Variants in ZNF254 observed in about 807,000 individuals in gnomAD.
ZNF254 encodes the protein zinc finger protein 254, also known as CTD-2017D11.1.
A neutral mutation model predicts 12.4 loss-of-function variants in ZNF254; 10 were observed. The observed-to-expected ratio is 0.80, with a 90% CI of 0.50 to 1.36. The LOEUF (loss-of-function observed/expected upper bound fraction) is 1.36, where lower values mean the gene tolerates loss of function less well. ZNF254 is among the 40% of genes most tolerant of loss of function. ZNF254 has a pLI of 0.00. For missense variants in ZNF254, 996 were observed against 763.9 expected (o/e 1.30, Z -3.58); for synonymous variants, 305 against 253.4 (o/e 1.20, Z -1.93).
At chr19:24,045,379 A>G (rs2145237596) in intron 1 of ZNF254, among the ~76,000 whole-genome samples, 1 of 152,220 alleles carries the variant, frequency 6.6e-6, no homozygotes, top group South Asian at 2.1e-4. Flanking sequence ...GAGGTATAAA[A>G]GGAAATCTGG....
Position 24,087,314 on chromosome 19 carries a change from G to A in ZNF254, c.7G>A (p.Gly3Arg), listed in dbSNP as rs1432466317. The A allele has an allele frequency of 1.9e-6, 3 of 1,613,726 alleles. No individual in the cohort carries two copies. The highest frequency in any genetic ancestry group is 2.2e-5 in the South Asian group (2 of 91,078). ...TTGGAGATCCACAGCTAAGATGCCA[G>A]GACCCCCTAGAAGCCTAGAAATGGT... is the stretch of plus-strand genomic sequence containing the variant. MP[G>R]PPRSLEMGLL... The change falls in exon 1 of 4, where the codon GGA becomes AGA. Residue 3 changes from glycine (G) to arginine (R), a missense_variant. By Grantham distance (125) the Gly-to-Arg change is moderately radical (BLOSUM62 -2). Coordinates refer to ENST00000357002, the MANE Select transcript of ZNF254 (RefSeq NM_203282.4).
chr19:24,104,314 T>G (rs1973206577), intron 1 of ZNF254: 1 of 152,166 alleles, frequency 6.6e-6, no homozygotes, highest in South Asian at 2.1e-4. Context: ...TGACTTTGAG[T>G]GTGGTGGTAA....
At chr19:24,097,440 A>G (rs913063984) in intron 1 of ZNF254, among the ~76,000 whole-genome samples, 1 of 152,192 alleles carries the variant, frequency 6.6e-6, no homozygotes, top group Middle Eastern at 3.2e-3. Context: ...CTGATTATCC[A>G]TGGTGATCGT....
rs561258356 is a variant in ZNF254 at position 24,071,201 on chromosome 19, A to G, written c.-94+24922A>G. On this transcript the variant is annotated intron_variant, in intron 2 of 4. Coordinates refer to the ZNF254 transcript ENST00000613065. ...GCTTTTCCCTAAGAGACATTGTAAC[A>G]TATCTGGGCCAAGCACCTACGTGAT... 5.9e-5 allele frequency among the ~76,000 whole-genome samples: 9 copies of G among 152,214 alleles called. No homozygotes were observed. The East Asian group carries it at 1.7e-3, about 29-fold the overall frequency.
At chr19:24,101,653 C>A (rs4932944) in intron 1 of ZNF254, among the ~76,000 whole-genome samples, 21,801 of 152,180 alleles carry the variant, frequency 0.14, 2,542 homozygotes, top group African/African-American at 0.32. Flanking sequence ...GACAGGTGAT[C>A]CAGGTTCTGC....
At chr19:24,042,649 G>A (rs1259044002) in intron 1 of ZNF254, among the ~76,000 whole-genome samples, 4 of 152,170 alleles carry the variant, frequency 2.6e-5, no homozygotes, top group African/African-American at 9.7e-5. Flanking sequence ...AGGGTCCGCG[G>A]CTTCATTCTT....
intron 2 of ZNF254, among the ~76,000 whole-genome samples, chr19:24,062,087 C>A (rs374063297): frequency 7.6e-3 from 864 of 114,242 alleles, no homozygotes; most frequent in Middle Eastern, 9.6e-3. Flanking sequence ...CTCTGTCTCA[C>A]AAAAAAAAAA....
intron 1 of ZNF254, among the ~76,000 whole-genome samples, chr19:24,103,026 A>G (rs1269508650): frequency 6.6e-6 from 1 of 152,220 alleles, no homozygotes; most frequent in Non-Finnish European, 1.5e-5. Flanking sequence ...AGTGCTCTGT[A>G]ACATCCTGTT....
chr19:24,034,480 G>T (rs1969882714), intron 1 of ZNF254, among the ~76,000 whole-genome samples: 1 of 144,962 alleles, frequency 6.9e-6, no homozygotes, highest in African/African-American at 2.5e-5. Flanking sequence ...TTAGATTTAG[G>T]TAAGTGGGTT....
intron 3 of ZNF254, among the ~76,000 whole-genome samples, chr19:24,109,919 G>A (rs1393740810): frequency 6.6e-6 from 1 of 150,602 alleles, no homozygotes; most frequent in Non-Finnish European, 1.5e-5. Flanking sequence ...TAGTAGAGAC[G>A]GGGTTTGCCA....
chr19:24,037,445 T>C (rs893676445), intron 1 of ZNF254, among the ~76,000 whole-genome samples: 4 of 152,186 alleles, frequency 2.6e-5, no homozygotes, highest in Non-Finnish European at 5.9e-5. Flanking sequence ...ATTTTTATGT[T>C]TTTTTTGAGA....
intron 1 of ZNF254, among the ~76,000 whole-genome samples, chr19:24,037,200 C>G (rs959497668): frequency 1.3e-5 from 2 of 152,176 alleles, no homozygotes; most frequent in African/African-American, 4.8e-5. Context: ...GCACCTTTCC[C>G]TCTTCTGTCT....
chr19:24,051,163 C>T (rs1375105944), intron 2 of ZNF254, among the ~76,000 whole-genome samples: 2 of 151,660 alleles, frequency 1.3e-5, no homozygotes, highest in Non-Finnish European at 2.9e-5. Flanking sequence ...GGTAATATAA[C>T]TTTTATTTTT....
upstream of ZNF254, among the ~76,000 whole-genome samples, chr19:24,086,573 G>T (rs898970557): frequency 7.2e-5 from 11 of 152,038 alleles, no homozygotes; most frequent in African/African-American, 2.7e-4. Flanking sequence ...CACCTCCCAG[G>T]TTCAAGCAGT....
chr19:24,091,235 G>A (rs530836376), intron 1 of ZNF254, among the ~76,000 whole-genome samples: 5 of 151,212 alleles, frequency 3.3e-5, no homozygotes, highest in Non-Finnish European at 5.9e-5. Context: ...ATCAACCACC[G>A]TGCTTGGCCT....
intron 2 of ZNF254, among the ~76,000 whole-genome samples, chr19:24,073,466 T>C (rs1053013610): frequency 1.3e-5 from 2 of 152,204 alleles, no homozygotes; most frequent in African/African-American, 4.8e-5. Flanking sequence ...TCATGAATAC[T>C]GTATAAAGAC....
intron 1 of ZNF254, among the ~76,000 whole-genome samples, chr19:24,044,667 A>G (rs17656039): frequency 0.062 from 9,371 of 151,516 alleles, 432 homozygotes; most frequent in Non-Finnish European, 0.089. Context: ...ATTTCCACAG[A>G]ATTAGAGAAT....
At chr19:24,091,392 T>C (rs1972375399) in intron 1 of ZNF254, among the ~76,000 whole-genome samples, 1 of 152,194 alleles carries the variant, frequency 6.6e-6, no homozygotes, top group African/African-American at 2.4e-5. Flanking sequence ...TGATAGATAA[T>C]TGATGAGTTA....
chr19:24,087,186 G>T, upstream of ZNF254: 1 of 1,298,204 alleles, frequency 7.7e-7, no homozygotes, highest in Middle Eastern at 1.8e-4. Context: ...GATATGGCGG[G>T]GCCTTTGTCT....
Sources: gnomAD v4.1 joint callset for allele counts (sites outside exome capture counted in the v4.1 genomes callset) on GRCh38, gnomAD v4.1.1 for gene constraint, MANE v1.5 for transcripts, NCBI Gene and HGNC (gene_info 2026-07-23, HGNC 2026-07-21) for gene names.